KIF1A: variants seen among roughly 807,000 people sequenced by gnomAD.
KIF1A encodes kinesin family member 1A, also known as kinesin-like protein KIF1A.
A neutral mutation model predicts 227.3 loss-of-function variants in KIF1A; 46 were observed. The ratio of observed to expected loss-of-function variants is 0.20; its 90% CI spans 0.16 to 0.26. The LOEUF is 0.26. Ranked by LOEUF, KIF1A falls within the 10% of genes least tolerant of loss-of-function variation. The pLI, the probability that KIF1A is intolerant of heterozygous loss-of-function variation, is 1.00. For missense variants in KIF1A, 1,683 were observed against 2,485.9 expected, an observed-to-expected ratio of 0.68 and a Z score of 6.87; for synonymous variants, 1,022 against 1,012.8, an observed-to-expected ratio of 1.01 and a Z score of -0.17.
intron 1 of KIF1A, among the ~76,000 whole-genome samples, chr2:240,817,138 T>A (rs531175298): frequency 6.6e-6 from 1 of 152,318 alleles, no homozygotes; most frequent in East Asian, 1.9e-4. Context: ...GTAGCAGGGA[T>A]GGGCCTATGG....
chr2:240,770,979 T>C lies in KIF1A; in HGVS notation c.1333A>G (p.Arg445Gly). The change falls in exon 15 of 49, where the codon AGA becomes GGA. Residue 445 changes from arginine (R) to glycine (G), a missense_variant. Transcript: ENST00000498729. Reference protein sequence around the residue: ...FAPGSEEAIERLKETEKIIAE... With the variant: ...FAPGSEEAIEGLKETEKIIAE... ...CCAGGTGGTGCCCTCACCTTCAGTC[T>C]TTCAATGGCCTCCTCGCTGCCCGGG... 3 of 1,611,086 alleles carry C rather than the reference T, an allele frequency of 1.9e-6. No individual in the cohort carries two copies. The highest frequency in any genetic ancestry group is 2.5e-6 in the Non-Finnish European group (3 of 1,179,774).
At chr2:240,750,110 A>T (rs1159203095) in intron 28 of KIF1A, among the ~76,000 whole-genome samples, 1 of 152,260 alleles carries the variant, frequency 6.6e-6, no homozygotes, top group Non-Finnish European at 1.5e-5. Context: ...GAGCAGGCTC[A>T]GATGGCACTG....
chr2:240,732,254 AT>A (rs2046777472), intron 38 of KIF1A, among the ~76,000 whole-genome samples: 2 of 86,476 alleles, frequency 2.3e-5, no homozygotes, highest in African/African-American at 1.1e-4. Context: ...GGGATGAAAC[AT>A]GAGGGGAGGA....
In KIF1A at chr2:240,787,958, G is replaced by A. The variant is rs909454939; in HGVS notation, c.363+93C>T. 9 of 1,221,142 alleles carry A rather than the reference G, an allele frequency of 7.4e-6. No homozygotes were observed. The East Asian group carries it at 1.5e-4, about 21-fold the overall frequency. The allele number at this position is 1,221,142 out of a possible 1,614,324, so 75.6% of individuals were successfully genotyped here. A position where few individuals can be genotyped will look rare whatever the true frequency, so the allele number is the denominator to read the frequency against. On this transcript the variant is annotated intron_variant, in intron 4 of 48. Transcript: ENST00000498729. ...CCTCCTGACTCCCTGCTCTCTGGGGGCTGCTCTCAGGGGTGCCTGGCCCGG... is the reference window on the plus strand; with the variant it reads ...CCTCCTGACTCCCTGCTCTCTGGGGACTGCTCTCAGGGGTGCCTGGCCCGG...
rs758996817 is a variant in KIF1A, at chr2:240,718,961, T to C, written c.5214+45A>G. On this transcript the variant is annotated intron_variant, in intron 47 of 48. Coordinates refer to ENST00000498729, the MANE Select transcript of KIF1A (RefSeq NM_001244008.2). ...GAGGATGGTGGCTCAGCTCCTGCCC[T>C]GCTAGGGTTCCTGGTGCCCGAGCCT... is the stretch of plus-strand genomic sequence containing the variant. 6 of 1,520,010 alleles carry C rather than the reference T, an allele frequency of 3.9e-6. No individual in the cohort carries two copies. In the South Asian group the frequency reaches 4.5e-5, roughly 12 times the overall value. The allele number at this position is 1,520,010 out of a possible 1,614,324, so 94.2% of individuals were successfully genotyped here.
chr2:240,809,881 T>C (rs2057725569), intron 1 of KIF1A, among the ~76,000 whole-genome samples: 1 of 94,934 alleles, frequency 1.1e-5, no homozygotes, highest in Admixed American at 1.2e-4. Context: ...GAACTTAAAG[T>C]ATAATAAAAA....
In KIF1A at chr2:240,743,975, T is replaced by C; in HGVS notation, c.3551A>G (p.His1184Arg). The change falls in exon 33 of 49, where the codon CAC (histidine) becomes CGC (arginine). Residue 1184 changes from histidine to arginine, a missense_variant. Around this residue, in one of 12 missense-constraint regions of KIF1A, gnomAD observed 759 missense variants for 1,020.2 expected, o/e 0.74. Coordinates refer to ENST00000498729, the MANE Select transcript of KIF1A (RefSeq NM_001244008.2). ...GTCCTTGCAGAGGGGCGGGAACGGG[T>C]GCTGCTGGTAGTGGCCAAAGACCTC... ...VFEVFGHYQQ[H>R]PFPPLCKDVL... 1 of 1,613,062 alleles carries C rather than the reference T, an allele frequency of 6.2e-7. No homozygotes were observed. The highest frequency in any genetic ancestry group is 8.5e-7 in the Non-Finnish European group (1 of 1,179,526).
Position 240,786,351 on chromosome 2 carries a change from A to C in KIF1A, c.592T>G (p.Ser198Ala). The C allele has an allele frequency of 6.2e-7, 1 of 1,613,556 alleles. No homozygotes were observed. The highest frequency in any genetic ancestry group is 8.5e-7 in the Non-Finnish European group (1 of 1,179,770). ...TCCACCCACCTGGCCTTGTTCCCTG[A>C]GTCCATGAGGTCCTGGATGTCATTG... ...SYNDIQDLMD[S>A]GNKARTVAAT... Residue 198 changes from serine to alanine, a missense_variant, in exon 6 of 49, where the codon TCA (serine) becomes GCA (alanine). Ser to Ala is a moderately conservative substitution (Grantham distance 99). This residue lies in a region of KIF1A where 75 missense variants were observed against 131.2 expected (regional missense o/e 0.57). Coordinates refer to ENST00000498729, the MANE Select transcript of KIF1A (RefSeq NM_001244008.2).
rs1319893340 is a variant in KIF1A, at chr2:240,736,365, C to T, written c.4007+698G>A. On this transcript the variant is annotated intron_variant, in intron 38 of 48. Transcript: ENST00000498729. This position sits in a 1 kb window ranked among gnomAD's most constrained non-coding sequence, Gnocchi z 4.7. ...TCACTTTCCCCAAGCCCCTGGAAGG[C>T]AGCGTCTGGGACGCAGTGGAGCCCG... Among the ~76,000 whole-genome samples the T allele has an allele frequency of 6.6e-6, 1 of 152,142 alleles. No individual in the cohort carries two copies. Among genetic ancestry groups the T allele is most frequent in the Non-Finnish European group, 1.5e-5 (1 of 68,024 alleles).
rs748858949 is a variant in KIF1A, at chr2:240,722,529, G to A, written c.4592C>T (p.Ser1531Phe). The A allele has an allele frequency of 3.9e-6, 6 of 1,548,800 alleles. No homozygotes were observed. The highest frequency in any genetic ancestry group is 1.4e-5 in the African/African-American group (1 of 73,042). ...TGGGCGGCCCTCAGCCGAGAGCGGG[G>A]AGGAGGCGCTGGAGGAGCCATGGGA... ...SESHGSSSAS[S>F]PLSAEGRPSP... Residue 1531 changes from serine (S) to phenylalanine (F), a missense_variant, in exon 43 of 49, where the codon TCC (serine) becomes TTC (phenylalanine). Ser to Phe is a radical substitution (Grantham distance 155). This residue lies in a region of KIF1A where 384 missense variants were observed against 410.1 expected (regional missense o/e 0.94). Coordinates refer to ENST00000498729, the MANE Select transcript of KIF1A (RefSeq NM_001244008.2).
intron 1 of KIF1A, among the ~76,000 whole-genome samples, chr2:240,814,203 G>A (rs1221902934): frequency 3.3e-5 from 5 of 152,004 alleles, no homozygotes; most frequent in Admixed American, 1.3e-4. Flanking sequence ...AGGGCCCACC[G>A]AGTGCCAATA....
In KIF1A at chr2:240,775,198, G is replaced by A. The variant is rs972845460; in HGVS notation, c.958+653C>T. ...GAGCAAGCATGGCTAGTTGTGGGGT[G>A]CAGAGGTGGTCAGCCAGGGCTCTGC... On this transcript the variant is annotated intron_variant, in intron 11 of 48. Transcript: ENST00000498729. This position sits in a 1 kb window ranked among gnomAD's most constrained non-coding sequence, Gnocchi z 5.5. 3.3e-5 allele frequency among the ~76,000 whole-genome samples: 5 copies of A among 152,330 alleles called. No homozygotes were observed. The highest frequency in any genetic ancestry group is 7.2e-5 in the African/African-American group (3 of 41,580).
chr2:240,743,464 A>G (rs1187848636), intron 33 of KIF1A, among the ~76,000 whole-genome samples: 2 of 152,148 alleles, frequency 1.3e-5, no homozygotes, highest in Non-Finnish European at 2.9e-5. Context: ...GGTCTGGGTG[A>G]GATGGCCTGA....
In KIF1A at chr2:240,737,161, G is replaced by T. The variant is rs1442893740; in HGVS notation, c.3909C>A (p.Ile1303=). The part of the protein sequence containing the change: ...KEVRELVVGR[I]RNTPETDESL... Reference sequence around the variant, plus strand: ...ACTCGTCGGTCTCTGGAGTGTTTCGGATGCGGCCTGCAGAAAAGGCAACGG... The same window carrying T: ...ACTCGTCGGTCTCTGGAGTGTTTCGTATGCGGCCTGCAGAAAAGGCAACGG... The change falls in exon 38 of 49, where the codon ATC becomes ATA. Residue 1303 remains isoleucine, a synonymous_variant. Coordinates refer to ENST00000498729, the MANE Select transcript of KIF1A (RefSeq NM_001244008.2). 1 of 1,613,320 alleles carries T rather than the reference G, an allele frequency of 6.2e-7. No individual in the cohort carries two copies. Among genetic ancestry groups the T allele is most frequent in the African/African-American group, 1.3e-5 (1 of 74,888 alleles).
Position 240,773,203 on chromosome 2 carries a change from G to C in KIF1A, c.1091C>G (p.Pro364Arg). 6.2e-7 allele frequency: 1 copy of C among 1,613,960 alleles called. No individual in the cohort carries two copies. The highest frequency in any genetic ancestry group is 8.5e-7 in the Non-Finnish European group (1 of 1,179,848). ...CAGCTCGCGGATCAGCTTGTTGTTGGGGTCCTCATTGATGACAGCATTGCA... is the reference window on the plus strand; with the variant it reads ...CAGCTCGCGGATCAGCTTGTTGTTGCGGTCCTCATTGATGACAGCATTGCA... Reference protein sequence around the residue: ...IRCNAVINEDPNNKLIRELKD... With the variant: ...IRCNAVINEDRNNKLIRELKD... The change falls in exon 13 of 49, where the codon CCC (proline) becomes CGC (arginine). Residue 364 changes from proline to arginine, a missense_variant. This residue lies in a region of KIF1A where 110 missense variants were observed against 133.1 expected (regional missense o/e 0.83). Transcript: ENST00000498729.
At position 240,758,313 on chromosome 2, in the gene KIF1A, C is replaced by G; in HGVS notation, c.2582+47G>C. 3 of 1,581,526 alleles carry G rather than the reference C, an allele frequency of 1.9e-6. No individual in the cohort carries two copies. The highest frequency in any genetic ancestry group is 2.6e-6 in the Non-Finnish European group (3 of 1,163,354). ...CCCACTCCTACCCCCACTGCCATCT[C>G]TCTCTCTCAATCTCTCTCTCTGCCA... is the stretch of plus-strand genomic sequence containing the variant. On this transcript the variant is annotated intron_variant, in intron 26 of 48. Coordinates refer to ENST00000498729, the MANE Select transcript of KIF1A (RefSeq NM_001244008.2). The surrounding 1 kb of genome is among the most constrained non-coding windows in gnomAD (Gnocchi z 5.2).
chr2:240,770,692 G>A (rs1041984006), intron 15 of KIF1A, among the ~76,000 whole-genome samples: 1 of 152,234 alleles, frequency 6.6e-6, no homozygotes, highest in African/African-American at 2.4e-5. Context: ...CAGACACCCA[G>A]GTCTAGGGTC....
intron 1 of KIF1A, among the ~76,000 whole-genome samples, chr2:240,810,000 G>A (rs985540943): frequency 1.3e-5 from 2 of 151,912 alleles, no homozygotes; most frequent in Non-Finnish European, 2.9e-5. Flanking sequence ...TTTCAGTAGA[G>A]ATAGGGTTTC....
intron 1 of KIF1A, among the ~76,000 whole-genome samples, chr2:240,816,510 G>A (rs1028656342): frequency 6.6e-6 from 1 of 152,100 alleles, no homozygotes; most frequent in African/African-American, 2.4e-5. Context: ...GCCAGGCACT[G>A]GCCTGCCCTC....
Sources: gnomAD v4.1 joint callset for allele counts (sites outside exome capture counted in the v4.1 genomes callset) on GRCh38, gnomAD v4.1.1 for gene constraint, gnomAD v4.1.1 regional missense constraint, Gnocchi (gnomAD v3.1) non-coding constraint, MANE v1.5 for transcripts, NCBI Gene and HGNC (gene_info 2026-07-23, HGNC 2026-07-21) for gene names.